Variants in RASA4B observed in about 807,000 individuals in gnomAD.
RASA4B encodes the protein RAS p21 protein activator 4B.
Under a neutral mutation model 24.2 loss-of-function variants are expected in RASA4B, and 2 were observed. The observed-to-expected ratio is 0.08, with a 90% CI of 0.03 to 0.26. The LOEUF is 0.26. Ranked by LOEUF, RASA4B falls within the 10% of genes least tolerant of loss-of-function variation. The probability of loss-of-function intolerance (pLI) is 1.00; values close to 1 mark genes in which losing one functional copy is unlikely to be tolerated. For synonymous variants in RASA4B, 2 were observed against 125.6 expected (o/e 0.02, Z 6.58); for missense variants, 8 against 277.2 (o/e 0.03, Z 6.90).
At position 102,511,390 on chromosome 7, in the gene RASA4B, G is replaced by C. The variant is rs1396806875; in HGVS notation, c.122+535C>G. ...CCAGCCTCGAGGGATATTACTATGG[G>C]ACTCTCAGGGGACAGGACCCAAGTT... On this transcript the variant is annotated intron_variant, in intron 2 of 20. Transcript: ENST00000465829. Among the ~76,000 whole-genome samples, 335 of 95,370 alleles carry C rather than the reference G, an allele frequency of 3.5e-3. 18 individuals are homozygous for C. Among genetic ancestry groups the C allele is most frequent in the Middle Eastern group, 6.2e-3 (1 of 162 alleles). 62.6% of individuals were successfully genotyped at this position (95,370 alleles called of 152,430 possible). A position where few individuals can be genotyped will look rare whatever the true frequency, so the allele number is the denominator to read the frequency against.
intron 4 of RASA4B, among the ~76,000 whole-genome samples, chr7:102,508,911 A>C (rs1266217923): frequency 1.3e-5 from 2 of 149,998 alleles, no homozygotes; most frequent in East Asian, 2.0e-4. Flanking sequence ...GGTTCACGCC[A>C]TTCTCCTGCT....
chr7:102,491,880 G>C (rs4729799), intron 16 of RASA4B, among the ~76,000 whole-genome samples: 2,971 of 52,600 alleles, frequency 0.056, 11 homozygotes, highest in East Asian at 0.13. Context: ...TGGGAGGCTG[G>C]GGCAGGAGGA....
intron 1 of RASA4B, among the ~76,000 whole-genome samples, chr7:102,512,481 GGAGA>G (rs1192886447): frequency 2.0e-4 from 1 of 5,058 alleles, no homozygotes; most frequent in Non-Finnish European, 4.9e-4. Flanking sequence ...ATAGGGAGGG[GGAGA>G]GAGAGGGAGG....
At chr7:102,492,786 T>C (rs1384357044) in intron 16 of RASA4B, among the ~76,000 whole-genome samples, 35 of 101,870 alleles carry the variant, frequency 3.4e-4, no homozygotes, top group Non-Finnish European at 5.9e-4. Flanking sequence ...TGCCTCAGCC[T>C]CCCGAGTAGC....
chr7:102,507,232 CAAAAAAAAAAAA>C (rs766013501), intron 4 of RASA4B, among the ~76,000 whole-genome samples: 5,147 of 11,426 alleles, frequency 0.45, 206 homozygotes, highest in Middle Eastern at 0.52. Context: ...GACCCCATCT[CAAAAAAAAAAAA>C]AAAAAAAAAA....
At chr7:102,504,191 CT>C (rs1452904931) in intron 5 of RASA4B, among the ~76,000 whole-genome samples, 1 of 152,258 alleles carries the variant, frequency 6.6e-6, no homozygotes, top group African/African-American at 2.4e-5. Flanking sequence ...CCACTGCAGC[CT>C]CCACCTCCTG....
intron 15 of RASA4B, among the ~76,000 whole-genome samples, 152 bp downstream of exon 15, chr7:102,493,673 G>T (rs1320574994): frequency 8.8e-5 from 4 of 45,666 alleles, no homozygotes; most frequent in African/African-American, 1.4e-4. Context: ...GTGGTGCGTG[G>T]GTCTATGGCC....
At chr7:102,507,664 GAA>G (rs1275861368) in intron 4 of RASA4B, among the ~76,000 whole-genome samples, 4 of 152,158 alleles carry the variant, frequency 2.6e-5, no homozygotes, top group South Asian at 2.1e-4. Flanking sequence ...CTTAAAACAG[GAA>G]GAGAGTGGCC....
At position 102,480,193 on chromosome 7, in the gene RASA4B, C is replaced by G. The variant is rs1160716786; in HGVS notation, c.*3399G>C. Reference sequence around the variant, plus strand: ...ATCTGGGAAGACACCTGTTGCCAAGCCCACCGTGGTCTAGCTGTAGCGTTA... The same window carrying G: ...ATCTGGGAAGACACCTGTTGCCAAGGCCACCGTGGTCTAGCTGTAGCGTTA... On this transcript the variant is annotated 3_prime_UTR_variant, in exon 21 of 21. Transcript: ENST00000465829. 6.6e-6 allele frequency among the ~76,000 whole-genome samples: 1 copy of G among 152,094 alleles called. No individual in the cohort carries two copies. The highest frequency in any genetic ancestry group is 2.1e-4 in the South Asian group (1 of 4,828).
chr7:102,496,300 C>G, intron 10 of RASA4B, 96 bp from the exon 11 acceptor site: 1 of 1,455,706 alleles, frequency 6.9e-7, no homozygotes, highest in Non-Finnish European at 9.7e-7. Context: ...CTAAGCTGGC[C>G]CCTCAATAAA....
chr7:102,498,606 G>A (rs1197154161), intron 8 of RASA4B, among the ~76,000 whole-genome samples: 15 of 139,810 alleles, frequency 1.1e-4, no homozygotes, highest in Admixed American at 5.2e-4. Context: ...CTGGAGTGCA[G>A]TGGTGGGATC....
At chr7:102,484,753 C>T (rs1436806549) in intron 19 of RASA4B, among the ~76,000 whole-genome samples, 1 of 149,488 alleles carries the variant, frequency 6.7e-6, no homozygotes, top group Admixed American at 6.9e-5. Context: ...AGCAAGATGG[C>T]CAGGGAACTC....
chr7:102,480,331 G>A lies in RASA4B; in HGVS notation c.*3261C>T, dbSNP rs943005525. ...GGGGACCCATGCTTCTGCTCAGGGG[G>A]TTGGCAGAAGCCAGCAAGGCTTGGG... On this transcript the variant is annotated 3_prime_UTR_variant, in exon 21 of 21. Transcript: ENST00000465829. Among the ~76,000 whole-genome samples, 1 of 151,846 alleles carries A rather than the reference G, an allele frequency of 6.6e-6. No homozygotes were observed. Among genetic ancestry groups the A allele is most frequent in the Admixed American group, 6.6e-5 (1 of 15,162 alleles).
intron 1 of RASA4B, among the ~76,000 whole-genome samples, chr7:102,512,616 GT>G (rs1799721194): frequency 1.8e-3 from 1 of 562 alleles, no homozygotes; most frequent in Non-Finnish European, 0.012. Context: ...AGGGAGGAGA[GT>G]AGGAGGGGGA....
chr7:102,498,623 C>T (rs1799256741), intron 8 of RASA4B, among the ~76,000 whole-genome samples: 1 of 135,982 alleles, frequency 7.4e-6, no homozygotes, highest in Non-Finnish European at 1.6e-5. Context: ...GATCTCGGCT[C>T]ACTGCAACCT....
intron 1 of RASA4B, among the ~76,000 whole-genome samples, chr7:102,513,217 T>C (rs1335855523): frequency 9.0e-5 from 13 of 144,276 alleles, no homozygotes; most frequent in South Asian, 4.5e-4. Context: ...AAGGCCTCCC[T>C]GGACTCACAC....
rs1489095307 is a variant in RASA4B at position 102,481,123 on chromosome 7, TAA to T, written c.*2467_*2468del. Reference sequence around the variant, plus strand: ...ATACAATTTGCCATTTTAACCATTTTAAGTGTTTAACTCAGTGGTGTTAATTA... The same window carrying T: ...ATACAATTTGCCATTTTAACCATTTTGTGTTTAACTCAGTGGTGTTAATTA... On this transcript the variant is annotated 3_prime_UTR_variant, in exon 21 of 21. Coordinates refer to ENST00000465829, the MANE Select transcript of RASA4B (RefSeq NM_001367767.2). Among the ~76,000 whole-genome samples the T allele has an allele frequency of 3.0e-5, 3 of 100,578 alleles. No homozygotes were observed. Among genetic ancestry groups the T allele is most frequent in the African/African-American group, 8.7e-5 (3 of 34,306 alleles). The allele number at this position is 100,578 out of a possible 152,430, so 66.0% of individuals were successfully genotyped here.
intron 4 of RASA4B, among the ~76,000 whole-genome samples, chr7:102,509,123 A>AAAT (rs1347067661): frequency 8.4e-6 from 1 of 118,388 alleles, no homozygotes; most frequent in Non-Finnish European, 1.8e-5. Context: ...TTAAAAAAAA[A>AAAT]CTATATAAAA....
At position 102,513,123 on chromosome 7, in the gene RASA4B, C is replaced by A. The variant is rs1203749394; in HGVS notation, c.66-1142G>T. The stretch of plus-strand genomic sequence containing the variant: ...CTGGAGCCTTTGCTCCTGCTCTCCC[C>A]AACACTGACACTGCTGTCCCTCCTG... On this transcript the variant is annotated intron_variant, in intron 1 of 20. Transcript: ENST00000465829. Among the ~76,000 whole-genome samples, 7 of 148,800 alleles carry A rather than the reference C, an allele frequency of 4.7e-5. No homozygotes were observed. The East Asian group carries it at 1.4e-3, about 29-fold the overall frequency.
Sources: gnomAD v4.1 joint callset for allele counts (sites outside exome capture counted in the v4.1 genomes callset) on GRCh38, gnomAD v4.1.1 for gene constraint, MANE v1.5 for transcripts, NCBI Gene and HGNC (gene_info 2026-07-23, HGNC 2026-07-21) for gene names.